The following STAG1 variants were observed in gnomAD, a reference collection of about 807,000 sequenced individuals.
The protein encoded by STAG1 is cohesin subunit SA-1.
STAG1 carries 26 observed loss-of-function variants against 170.9 expected under a neutral mutation model. The ratio of observed to expected loss-of-function variants is 0.15; its 90% CI spans 0.11 to 0.21. STAG1 has a LOEUF of 0.21. Among genes scored for constraint, STAG1 ranks in the 10% least tolerant of loss-of-function variants. The probability of loss-of-function intolerance (pLI) is 1.00; values close to 1 mark genes in which losing one functional copy is unlikely to be tolerated. For synonymous variants in STAG1, 514 were observed against 497.7 expected (o/e 1.03, Z -0.44); for missense variants, 964 against 1,509.5 (o/e 0.64, Z 5.99).
chr3:136,736,367 T>C, intron 1 of STAG1: 1 of 731,124 alleles, frequency 1.4e-6, no homozygotes, highest in Non-Finnish European at 2.3e-6. Context: ...TTAAATTGTA[T>C]TGAAAAAATG....
chr3:136,696,871 C>T (rs1942911049), intron 1 of STAG1, among the ~76,000 whole-genome samples: 1 of 152,042 alleles, frequency 6.6e-6, no homozygotes, highest in South Asian at 2.1e-4. Flanking sequence ...ACCTGAGGTT[C>T]ATGAAAGGAA....
chr3:136,478,537 TA>T (rs1313498775), intron 9 of STAG1, among the ~76,000 whole-genome samples: 2 of 152,226 alleles, frequency 1.3e-5, no homozygotes, highest in Admixed American at 6.5e-5. Context: ...TCACAAATGT[TA>T]AAATTTTAAG....
At chr3:136,708,565 GCACTAAATGA>G (rs1428205947) in intron 1 of STAG1, among the ~76,000 whole-genome samples, 1 of 151,932 alleles carries the variant, frequency 6.6e-6, no homozygotes, top group Non-Finnish European at 1.5e-5. Flanking sequence ...CAACACAATT[GCACTAAATGA>G]CACTAAATGG....
chr3:136,610,773 C>T (rs1939235422), intron 3 of STAG1, among the ~76,000 whole-genome samples: 1 of 152,120 alleles, frequency 6.6e-6, no homozygotes, highest in South Asian at 2.1e-4. Flanking sequence ...ACTCTTTGTT[C>T]TGTGAAGTTC....
At chr3:136,389,271 A>T (rs1162913709) in intron 22 of STAG1, among the ~76,000 whole-genome samples, 1 of 152,192 alleles carries the variant, frequency 6.6e-6, no homozygotes, top group Non-Finnish European at 1.5e-5. Flanking sequence ...GGGACAGGCT[A>T]GTGAGGCTGA....
intron 1 of STAG1, among the ~76,000 whole-genome samples, chr3:136,749,656 G>C (rs1935126837): frequency 6.7e-6 from 1 of 150,082 alleles, no homozygotes; most frequent in African/African-American, 2.4e-5. Context: ...TGAGGCAGGA[G>C]AATCGCTTGA....
chr3:136,611,529 T>A (rs1939276542), intron 3 of STAG1, among the ~76,000 whole-genome samples: 1 of 151,694 alleles, frequency 6.6e-6, no homozygotes, highest in African/African-American at 2.4e-5. Context: ...ACAGTCTTAC[T>A]CTGTCACCCA....
At chr3:136,447,051 G>A (rs577022159) in intron 14 of STAG1, among the ~76,000 whole-genome samples, 6 of 151,582 alleles carry the variant, frequency 4.0e-5, no homozygotes, top group Non-Finnish European at 7.4e-5. Context: ...TAATCCACCC[G>A]CCTCGGCCTC....
chr3:136,682,390 A>G (rs1942364565), intron 1 of STAG1, among the ~76,000 whole-genome samples: 1 of 151,532 alleles, frequency 6.6e-6, no homozygotes, highest in Non-Finnish European at 1.5e-5. Context: ...ATGCCACTAC[A>G]TTCCAGCCTG....
intron 29 of STAG1, among the ~76,000 whole-genome samples, chr3:136,346,211 G>A (rs1195568425): frequency 6.6e-6 from 1 of 152,116 alleles, no homozygotes; most frequent in African/African-American, 2.4e-5. Flanking sequence ...TTCTCTATCT[G>A]CACTCACAGC....
At chr3:136,476,657 G>A (rs1165728077) in intron 10 of STAG1, among the ~76,000 whole-genome samples, 1 of 152,160 alleles carries the variant, frequency 6.6e-6, no homozygotes, top group Non-Finnish European at 1.5e-5. Context: ...TAATGGGAAT[G>A]AAAATTCCAG....
intron 4 of STAG1, among the ~76,000 whole-genome samples, chr3:136,569,187 C>T (rs538630784): frequency 6.6e-6 from 1 of 152,018 alleles, no homozygotes; most frequent in Non-Finnish European, 1.5e-5. Flanking sequence ...ATTAACTTCA[C>T]TTTTACACAG....
At chr3:136,421,330 C>T (rs1157102396) in intron 19 of STAG1, among the ~76,000 whole-genome samples, 167 bp from the exon 20 acceptor site, 3 of 152,046 alleles carry the variant, frequency 2.0e-5, no homozygotes, top group East Asian at 3.8e-4. Flanking sequence ...ACTCTAACAA[C>T]CTAGAAATAA....
chr3:136,459,192 T>C (rs1041958826), intron 13 of STAG1, among the ~76,000 whole-genome samples: 2 of 142,480 alleles, frequency 1.4e-5, no homozygotes, highest in Non-Finnish European at 3.0e-5. Flanking sequence ...CACTCCAGCC[T>C]GGCGACAGAG....
At chr3:136,668,059 C>CT (rs1301397334) in intron 1 of STAG1, among the ~76,000 whole-genome samples, 1 of 151,664 alleles carries the variant, frequency 6.6e-6, no homozygotes, top group East Asian at 1.9e-4. Context: ...GAACAAAACT[C>CT]TGTCTCTTCT....
At chr3:136,424,783 G>C (rs2088065504) in intron 16 of STAG1, among the ~76,000 whole-genome samples, 1 of 152,114 alleles carries the variant, frequency 6.6e-6, no homozygotes, top group South Asian at 2.1e-4. Context: ...CTTTGACCTA[G>C]CAATACCAAT....
chr3:136,467,206 A>C (rs573785731), intron 12 of STAG1, among the ~76,000 whole-genome samples: 1 of 152,292 alleles, frequency 6.6e-6, no homozygotes, highest in South Asian at 2.1e-4. Flanking sequence ...TAAAAGACAC[A>C]GACTGGCAAA....
chr3:136,713,388 G>C (rs1483488012), intron 1 of STAG1, among the ~76,000 whole-genome samples: 1 of 151,740 alleles, frequency 6.6e-6, no homozygotes, highest in Non-Finnish European at 1.5e-5. Flanking sequence ...TTCAAGACCA[G>C]TCTAACCAAC....
At chr3:136,524,207 T>C (rs1227268264) in intron 6 of STAG1, among the ~76,000 whole-genome samples, 1 of 152,224 alleles carries the variant, frequency 6.6e-6, no homozygotes, top group Non-Finnish European at 1.5e-5. Flanking sequence ...TTTCACGATA[T>C]TGATTATTCC....
Sources: allele counts gnomAD v4.1 joint callset (sites outside exome capture counted in the v4.1 genomes callset), GRCh38; gene constraint gnomAD v4.1.1; transcripts MANE v1.5; gene names NCBI Gene and HGNC (gene_info 2026-07-23, HGNC 2026-07-21).